Variants in CELF4 observed in about 807,000 individuals in gnomAD.
CELF4 encodes the protein CUG-BP- and ETR-3-like factor 4.
CELF4 carries 18 observed loss-of-function variants against 59.9 expected under a neutral mutation model. The observed-to-expected ratio is 0.30, with a 90% CI of 0.21 to 0.45. The LOEUF (loss-of-function observed/expected upper bound fraction) is 0.45, where lower values mean the gene tolerates loss of function less well. Ranked by LOEUF, CELF4 falls within the 20% of genes least tolerant of loss-of-function variation. The pLI is 1.00. For synonymous variants in CELF4, 261 were observed against 267.1 expected (o/e 0.98, Z 0.22); for missense variants, 456 against 689.0 (o/e 0.66, Z 3.79).
intron 2 of CELF4, among the ~76,000 whole-genome samples, chr18:37,333,323 T>A (rs1322524463): frequency 7.4e-6 from 1 of 135,906 alleles, no homozygotes; most frequent in African/African-American, 2.8e-5. Context: ...CTCTCCCTCC[T>A]CCCCCTCCAC....
chr18:37,445,545 A>C (rs1299656435), intron 2 of CELF4, among the ~76,000 whole-genome samples: 1 of 151,908 alleles, frequency 6.6e-6, no homozygotes, highest in Non-Finnish European at 1.5e-5. Flanking sequence ...GCTGAGTTAC[A>C]AGGACACAAT....
intron 3 of CELF4, among the ~76,000 whole-genome samples, chr18:37,296,789 C>T (rs937226568): frequency 6.6e-6 from 1 of 152,180 alleles, no homozygotes; most frequent in Non-Finnish European, 1.5e-5. Context: ...CATTCTATGT[C>T]CTCCTGTTTC....
intron 2 of CELF4, among the ~76,000 whole-genome samples, chr18:37,376,336 C>T (rs994078516): frequency 1.3e-5 from 2 of 152,170 alleles, no homozygotes; most frequent in African/African-American, 2.4e-5. Context: ...GCACATGAGG[C>T]TTCTGTAATC....
chr18:37,505,375 G>T (rs1043341809), intron 1 of CELF4, among the ~76,000 whole-genome samples: 4 of 152,176 alleles, frequency 2.6e-5, no homozygotes, highest in Admixed American at 1.3e-4. Flanking sequence ...CTTTGGAAAA[G>T]CTCCAAACCC....
intron 1 of CELF4, among the ~76,000 whole-genome samples, chr18:37,534,822 C>T (rs2099972197): frequency 2.0e-5 from 3 of 152,254 alleles, no homozygotes; most frequent in South Asian, 2.1e-4. Flanking sequence ...ATTGTCTGGT[C>T]GGTTTCAGCC....
chr18:37,530,865 C>T (rs745569811), intron 1 of CELF4, among the ~76,000 whole-genome samples: 14 of 138,176 alleles, frequency 1.0e-4, no homozygotes, highest in East Asian at 8.4e-4. Context: ...GAGAGAAAGA[C>T]GGAGAGAGAA....
chr18:37,477,538 GAAT>G (rs1393360926), intron 2 of CELF4, among the ~76,000 whole-genome samples: 3 of 152,182 alleles, frequency 2.0e-5, no homozygotes, highest in Non-Finnish European at 4.4e-5. Context: ...AGCCTCTGAA[GAAT>G]GCATCAGAGG....
chr18:37,564,595 A>T (rs1479444966), intron 1 of CELF4, among the ~76,000 whole-genome samples: 1 of 152,128 alleles, frequency 6.6e-6, no homozygotes, highest in Non-Finnish European at 1.5e-5. Context: ...CAAATCTCGC[A>T]CACACATATT....
intron 2 of CELF4, among the ~76,000 whole-genome samples, chr18:37,457,250 G>A (rs1178965954): frequency 6.6e-6 from 1 of 152,158 alleles, no homozygotes; most frequent in African/African-American, 2.4e-5. Context: ...AGACACCAGC[G>A]GCTGATCGTG....
In CELF4 at chr18:37,426,879, A is replaced by G. The variant is rs939565666; in HGVS notation, c.369+58646T>C. ...GAGCACGGCTGCTTCTTTAATCCCC[A>G]TGGATTACTTGGCTCTCCCGAAAAG... On this transcript the variant is annotated intron_variant, in intron 2 of 12. Coordinates refer to ENST00000420428, the MANE Select transcript of CELF4 (RefSeq NM_020180.4). Among the ~76,000 whole-genome samples, 6 of 151,400 alleles carry G rather than the reference A, an allele frequency of 4.0e-5. No homozygotes were observed. The East Asian group carries it at 5.8e-4, about 15-fold the overall frequency.
At chr18:37,325,234 C>T (rs1252252840) in intron 2 of CELF4, among the ~76,000 whole-genome samples, 2 of 152,150 alleles carry the variant, frequency 1.3e-5, no homozygotes, top group African/African-American at 4.8e-5. Context: ...GACCCCACAT[C>T]CCTAGGGGCC....
chr18:37,489,431 A>C (rs1165207604), intron 1 of CELF4, among the ~76,000 whole-genome samples: 1 of 152,050 alleles, frequency 6.6e-6, no homozygotes, highest in Non-Finnish European at 1.5e-5. Flanking sequence ...CCGGGGAAGA[A>C]AGGGTGCCCA....
chr18:37,503,799 T>C (rs2099934434), intron 1 of CELF4, among the ~76,000 whole-genome samples: 1 of 152,330 alleles, frequency 6.6e-6, no homozygotes, highest in East Asian at 1.9e-4. Flanking sequence ...CAGGGAGTAC[T>C]GAGAGCCGCT....
At chr18:37,344,014 CAGG>C (rs1210298505) in intron 2 of CELF4, among the ~76,000 whole-genome samples, 1 of 152,214 alleles carries the variant, frequency 6.6e-6, no homozygotes, top group Non-Finnish European at 1.5e-5. Context: ...GCCCCTTCTC[CAGG>C]AAGCCCATTA....
chr18:37,386,558 G>A (rs1444144472), intron 2 of CELF4, among the ~76,000 whole-genome samples: 1 of 152,164 alleles, frequency 6.6e-6, no homozygotes, highest in African/African-American at 2.4e-5. Context: ...AACTGAGAGT[G>A]AGAACACACG....
intron 2 of CELF4, among the ~76,000 whole-genome samples, chr18:37,377,762 T>C (rs2098987776): frequency 6.6e-6 from 1 of 152,114 alleles, no homozygotes; most frequent in Admixed American, 6.5e-5. Context: ...TAGAGTGTGC[T>C]TGGTTCCCCT....
At position 37,247,650 on chromosome 18, in the gene CELF4, C is replaced by CACACACAT. The variant is rs960866642; in HGVS notation, c.*45-2461_*45-2454dup. 6.6e-5 allele frequency: 10 copies of CACACACAT among 152,076 alleles called. No individual in the cohort carries two copies. In the East Asian group the frequency reaches 7.8e-4, roughly 12 times the overall value. The allele number at this position is 152,076 out of a possible 1,614,324, so 9.4% of individuals were successfully genotyped here. A position where few individuals can be genotyped will look rare whatever the true frequency, so the allele number is the denominator to read the frequency against. On this transcript the variant is annotated intron_variant, in intron 12 of 12. Coordinates refer to ENST00000420428, the MANE Select transcript of CELF4 (RefSeq NM_020180.4). ...ACACACACGCACACACACACGCACG[C>CACACACAT]ACACACATACACACATACACACACA...
At chr18:37,311,121 G>T (rs1160754405) in intron 3 of CELF4, among the ~76,000 whole-genome samples, 1 of 152,182 alleles carries the variant, frequency 6.6e-6, no homozygotes, top group Non-Finnish European at 1.5e-5. Context: ...TCGAGGAGCT[G>T]CGAGTCTCAA....
intron 2 of CELF4, among the ~76,000 whole-genome samples, chr18:37,387,007 T>C (rs553187203): frequency 4.7e-4 from 71 of 152,338 alleles, no homozygotes; most frequent in African/African-American, 1.5e-3. Flanking sequence ...CTCTTGGCGA[T>C]AGAGAGACGG....
Sources: allele counts gnomAD v4.1 joint callset (sites outside exome capture counted in the v4.1 genomes callset), GRCh38; gene constraint gnomAD v4.1.1; transcripts MANE v1.5; gene names NCBI Gene and HGNC (gene_info 2026-07-23, HGNC 2026-07-21).